SMYD2: variants seen among roughly 807,000 people sequenced by gnomAD.
The protein encoded by SMYD2 is SET and MYND domain containing 2.
SMYD2 carries 53 observed loss-of-function variants against 59.1 expected under a neutral mutation model. That is an observed-to-expected ratio of 0.90 (90% CI 0.72 to 1.13). The LOEUF (loss-of-function observed/expected upper bound fraction) is 1.13. SMYD2 is among the 50% of genes most tolerant of loss of function. SMYD2 has a pLI of 0.00. For missense variants in SMYD2, 494 were observed against 544.7 expected, an observed-to-expected ratio of 0.91 and a Z score of 0.93; for synonymous variants, 208 against 198.8, an observed-to-expected ratio of 1.05 and a Z score of -0.39.
At chr1:214,309,232 A>G (rs1656961679) in intron 2 of SMYD2, among the ~76,000 whole-genome samples, 1 of 152,202 alleles carries the variant, frequency 6.6e-6, no homozygotes, top group Non-Finnish European at 1.5e-5. Flanking sequence ...TAATGCATGA[A>G]AGGGTAATGG....
intron 10 of SMYD2, chr1:214,332,452 A>C (rs7546301): frequency 5.6e-6 from 2 of 356,238 alleles, no homozygotes; most frequent in Non-Finnish European, 1.0e-5. Flanking sequence ...GGCCATATCC[A>C]TAGTAGTTAA....
At chr1:214,302,909 A>G (rs1656849064) in intron 1 of SMYD2, among the ~76,000 whole-genome samples, 1 of 152,012 alleles carries the variant, frequency 6.6e-6, no homozygotes, top group Non-Finnish European at 1.5e-5. Context: ...TAATTTTCTA[A>G]TCTCTTACAT....
chr1:214,317,169 C>T (rs529300279), intron 3 of SMYD2, among the ~76,000 whole-genome samples: 125 of 152,246 alleles, frequency 8.2e-4, no homozygotes, highest in African/African-American at 2.9e-3. Context: ...TGAAATATTT[C>T]GGCACCAGGA....
chr1:214,290,072 T>C (rs1656612283), intron 1 of SMYD2, among the ~76,000 whole-genome samples: 1 of 152,234 alleles, frequency 6.6e-6, no homozygotes, highest in African/African-American at 2.4e-5. Context: ...GTGTAACTTC[T>C]GCTGACTTGT....
rs1029124356 is a variant in SMYD2 at position 214,293,561 on chromosome 1, C to T, written c.174-11626C>T. The stretch of plus-strand genomic sequence containing the variant: ...CTAACTTCTGTATCTTCAAAGAGCT[C>T]AGTCCTAGGGGTAGCTTTCTGCTCT... On this transcript the variant is annotated intron_variant, in intron 1 of 11. Coordinates refer to ENST00000366957, the MANE Select transcript of SMYD2 (RefSeq NM_020197.3). Among the ~76,000 whole-genome samples the T allele has an allele frequency of 2.0e-5, 3 of 152,190 alleles. No homozygotes were observed. The East Asian group carries it at 5.8e-4, about 29-fold the overall frequency.
At chr1:214,328,708 GCACT>G (rs1657300973) in intron 7 of SMYD2, among the ~76,000 whole-genome samples, 1 of 152,202 alleles carries the variant, frequency 6.6e-6, no homozygotes, top group Non-Finnish European at 1.5e-5. Context: ...TCTCTGGAAG[GCACT>G]CACTAATCCA....
intron 1 of SMYD2, among the ~76,000 whole-genome samples, chr1:214,281,885 G>T (rs1656456012): frequency 6.6e-6 from 1 of 152,214 alleles, no homozygotes; most frequent in Admixed American, 6.5e-5. Flanking sequence ...CCTCAGATTG[G>T]CCGTTTCTTC....
At chr1:214,326,249 A>G (rs1396624794) in intron 6 of SMYD2, among the ~76,000 whole-genome samples, 1 of 151,820 alleles carries the variant, frequency 6.6e-6, no homozygotes, top group South Asian at 2.1e-4. Flanking sequence ...AAAAAAAAAA[A>G]AAAAAAAGAG....
chr1:214,327,855 G>GC, intron 7 of SMYD2, 131 bp downstream of exon 7: 1 of 683,562 alleles, frequency 1.5e-6, no homozygotes, highest in Non-Finnish European at 2.5e-6. Flanking sequence ...AGCTGAGTCT[G>GC]CCCTCAGGCT....
At chr1:214,321,442 A>AT in intron 5 of SMYD2, among the ~76,000 whole-genome samples, 3 of 152,352 alleles carry the variant, frequency 2.0e-5, no homozygotes, top group Admixed American at 2.0e-4. Flanking sequence ...GAAAGGGGAC[A>AT]TTTACTATCC....
intron 1 of SMYD2, among the ~76,000 whole-genome samples, chr1:214,289,666 A>G (rs780208010): frequency 6.6e-6 from 1 of 152,220 alleles, no homozygotes; most frequent in Non-Finnish European, 1.5e-5. Context: ...GATGATCACT[A>G]GGGAACTAGA....
chr1:214,315,306 T>A (rs1251773314), intron 3 of SMYD2, among the ~76,000 whole-genome samples: 1 of 152,204 alleles, frequency 6.6e-6, no homozygotes, highest in Non-Finnish European at 1.5e-5. Flanking sequence ...GGCTCCTTTC[T>A]TGCCTGTGCA....
chr1:214,302,338 C>CAAA (rs35149670), intron 1 of SMYD2, among the ~76,000 whole-genome samples: 243 of 138,638 alleles, frequency 1.8e-3, no homozygotes, highest in Non-Finnish European at 2.6e-3. Flanking sequence ...GACTCCGTTT[C>CAAA]AAAAAAAAAA....
intron 11 of SMYD2, among the ~76,000 whole-genome samples, chr1:214,335,683 C>T (rs1005664517): frequency 2.6e-5 from 4 of 152,204 alleles, no homozygotes; most frequent in Admixed American, 2.0e-4. Context: ...GTTCGAAACA[C>T]TGTATCTGAA....
At chr1:214,323,564 T>TG (rs1358081594) in intron 5 of SMYD2, among the ~76,000 whole-genome samples, 1 of 151,964 alleles carries the variant, frequency 6.6e-6, no homozygotes, top group Admixed American at 6.5e-5. Flanking sequence ...CCCGAGTAGA[T>TG]GGAACAGCTG....
At position 214,281,228 on chromosome 1, in the gene SMYD2, A is replaced by G; in HGVS notation, c.-27A>G. On this transcript the variant is annotated 5_prime_UTR_variant, in exon 1 of 12. Transcript: ENST00000366957. Reference sequence around the variant, plus strand: ...TCGCCGGGAGCCGCAGCTCGGGCACAGCCGGCGGCCGCGCCCCGCCGCCAC... The same window carrying G: ...TCGCCGGGAGCCGCAGCTCGGGCACGGCCGGCGGCCGCGCCCCGCCGCCAC... The G allele has an allele frequency of 4.9e-6, 6 of 1,224,042 alleles. No homozygotes were observed. Among genetic ancestry groups the G allele is most frequent in the Non-Finnish European group, 6.1e-6 (6 of 977,872 alleles). 75.8% of individuals were successfully genotyped at this position (1,224,042 alleles called of 1,614,324 possible).
chr1:214,329,165 A>C (rs1224358675), intron 7 of SMYD2, among the ~76,000 whole-genome samples: 1 of 152,184 alleles, frequency 6.6e-6, no homozygotes, highest in African/African-American at 2.4e-5. Flanking sequence ...ATTTTTGGGA[A>C]GTCAGTGCTT....
In SMYD2 at chr1:214,299,482, T is replaced by TATATACAC. The variant is rs751839365; in HGVS notation, c.174-5704_174-5703insTATACACA. Among the ~76,000 whole-genome samples, 25 of 45,914 alleles carry TATATACAC rather than the reference T, an allele frequency of 5.4e-4. 1 individual carries two copies. In the South Asian group the frequency reaches 5.7e-3, roughly 11 times the overall value. The allele number at this position is 45,914 out of a possible 152,430, so 30.1% of individuals were successfully genotyped here. ...AGAAAACATTATATATATATATATATACACCATAGAATACTATGCAGTCAT... is the reference window on the plus strand; with the variant it reads ...AGAAAACATTATATATATATATATATATATACACACACCATAGAATACTATGCAGTCAT... On this transcript the variant is annotated intron_variant, in intron 1 of 11. Transcript: ENST00000366957.
chr1:214,303,977 G>A (rs1656872383), intron 1 of SMYD2, among the ~76,000 whole-genome samples: 1 of 152,232 alleles, frequency 6.6e-6, no homozygotes, highest in Admixed American at 6.5e-5. Context: ...CTTAGACAAT[G>A]TAATTGTTCC....
Sources: gnomAD v4.1 joint callset for allele counts (sites outside exome capture counted in the v4.1 genomes callset) on GRCh38, gnomAD v4.1.1 for gene constraint, MANE v1.5 for transcripts, NCBI Gene and HGNC (gene_info 2026-07-23, HGNC 2026-07-21) for gene names.